PLEKHG6: variants seen among roughly 807,000 people sequenced by gnomAD.
PLEKHG6 encodes pleckstrin homology domain-containing family G member 6.
PLEKHG6 carries 91 observed loss-of-function variants against 97.5 expected under a neutral mutation model. The ratio of observed to expected loss-of-function variants is 0.93; its 90% confidence interval spans 0.79 to 1.11. PLEKHG6 has a LOEUF of 1.11. Among genes scored for constraint, PLEKHG6 ranks in the 50% most tolerant of loss-of-function variants. PLEKHG6 has a pLI of 0.00. For missense variants in PLEKHG6, 1,044 were observed against 1,031.0 expected, an observed-to-expected ratio of 1.01 and a Z score of -0.17; for synonymous variants, 466 against 425.5, an observed-to-expected ratio of 1.10 and a Z score of -1.17.
At chr12:6,326,407 A>G (rs750405383) in intron 13 of PLEKHG6, 21 bp from the exon 14 acceptor site, 2 of 1,607,068 alleles carry the variant, frequency 1.2e-6, no homozygotes, top group East Asian at 4.5e-5. Context: ...AGCTCTTAAT[A>G]ACGAAAGTGT....
rs1565454067 is a variant in PLEKHG6 at position 6,312,347 on chromosome 12, C to T, written c.121C>T (p.Arg41Ter). Residue 41 changes from arginine to a stop codon, truncating the protein, a stop_gained, in exon 2 of 16, where the codon CGA becomes TGA. Coordinates refer to ENST00000684764, the MANE Select transcript of PLEKHG6 (RefSeq NM_001384598.1). LOFTEE classifies it high-confidence loss of function. ...GAGCACTGCTGGCAGACTCTATCCC[C>T]GAGGATACCCTGTGCTGGTGAGTCC... ...AQSTAGRLYP[R>*]GYPVLDPSRR... 17 of 1,582,986 alleles carry T rather than the reference C, an allele frequency of 1.1e-5. No individual in the cohort carries two copies. In the East Asian group the frequency reaches 3.3e-4, roughly 31 times the overall value.
chr12:6,312,091 T>A, intron 1 of PLEKHG6, 68 bp from the exon 2 acceptor site: 53 of 581,090 alleles, frequency 9.1e-5, no homozygotes, highest in East Asian at 2.0e-4. Context: ...CCTACCAGCC[T>A]TGGTCTCCCG....
At chr12:6,323,932 G>C (rs1417600754) in intron 13 of PLEKHG6, among the ~76,000 whole-genome samples, 1 of 152,136 alleles carries the variant, frequency 6.6e-6, no homozygotes, top group Non-Finnish European at 1.5e-5. Flanking sequence ...TTCAGAGTTC[G>C]GTTTTAGTCC....
Position 6,328,204 on chromosome 12 carries a change from C to G in PLEKHG6, c.*59C>G, listed in dbSNP as rs1042999343. On this transcript the variant is annotated 3_prime_UTR_variant, in exon 16 of 16. Transcript: ENST00000684764. ...CAGAGGAGATCTCTCCCCAGTAGTGCTGGTCACCCTCCGGCATCTGTGACT... is the reference window on the plus strand; with the variant it reads ...CAGAGGAGATCTCTCCCCAGTAGTGGTGGTCACCCTCCGGCATCTGTGACT... 5 of 1,549,612 alleles carry G rather than the reference C, an allele frequency of 3.2e-6. No homozygotes were observed. Among genetic ancestry groups the G allele is most frequent in the Non-Finnish European group, 4.5e-6 (5 of 1,122,260 alleles).
intron 7 of PLEKHG6, 50 bp from the exon 8 acceptor site, chr12:6,317,253 A>G (rs753775404): frequency 2.5e-6 from 3 of 1,209,586 alleles, no homozygotes; most frequent in Admixed American, 3.4e-5. Context: ...GCCTGTATTC[A>G]TGGCCTTCTC....
At chr12:6,311,097 A>T (rs1345914949) in intron 1 of PLEKHG6, 1 of 152,342 alleles carries the variant, frequency 6.6e-6, no homozygotes, top group Non-Finnish European at 1.5e-5. Flanking sequence ...GGAGGAAGGT[A>T]AGGGAGGGCT....
Position 6,315,252 on chromosome 12 carries a change from T to C in PLEKHG6, c.459+83T>C. On this transcript the variant is annotated intron_variant, in intron 4 of 15. Coordinates refer to ENST00000684764, the MANE Select transcript of PLEKHG6 (RefSeq NM_001384598.1). This position sits in a 1 kb window ranked among gnomAD's most constrained non-coding sequence, Gnocchi z 4.5. ...TCTGCTCTAGAGGAGGGAAAGGCCT[T>C]GGGAAGTGGGGTCATGTGGAAAAAA... 7.4e-7 allele frequency: 1 copy of C among 1,347,688 alleles called. No homozygotes were observed. The highest frequency in any genetic ancestry group is 1.0e-6 in the Non-Finnish European group (1 of 992,228). The allele number at this position is 1,347,688 out of a possible 1,614,324, so 83.5% of individuals were successfully genotyped here. A position where few individuals can be genotyped will look rare whatever the true frequency, so the allele number is the denominator to read the frequency against.
At position 6,328,160 on chromosome 12, in the gene PLEKHG6, C is replaced by G; in HGVS notation, c.*15C>G. On this transcript the variant is annotated 3_prime_UTR_variant, in exon 16 of 16. Coordinates refer to ENST00000684764, the MANE Select transcript of PLEKHG6 (RefSeq NM_001384598.1). Reference sequence around the variant, plus strand: ...GAGAGGTATGAGGAATGCAGAGGACCTTTGGCATGCATCTCTCCCAGAGGA... The same window carrying G: ...GAGAGGTATGAGGAATGCAGAGGACGTTTGGCATGCATCTCTCCCAGAGGA... The G allele has an allele frequency of 1.9e-6, 3 of 1,613,408 alleles. No individual in the cohort carries two copies. The highest frequency in any genetic ancestry group is 2.5e-6 in the Non-Finnish European group (3 of 1,179,370).
chr12:6,326,909 G>A (rs762160876), intron 14 of PLEKHG6, among the ~76,000 whole-genome samples: 5 of 152,106 alleles, frequency 3.3e-5, no homozygotes, highest in African/African-American at 9.7e-5. Flanking sequence ...TGTGAGGTTC[G>A]TCTAGGATAG....
At position 6,317,595 on chromosome 12, in the gene PLEKHG6, C is replaced by T. The variant is rs1244370387; in HGVS notation, c.916C>T (p.Leu306Phe). The change falls in exon 9 of 16, where the codon CTT (leucine) becomes TTT (phenylalanine). Residue 306 changes from leucine to phenylalanine, a missense_variant. By Grantham distance (22) the Leu-to-Phe change is conservative. Coordinates refer to ENST00000684764, the MANE Select transcript of PLEKHG6 (RefSeq NM_001384598.1). The part of the protein sequence containing the change: ...RSGRQMLCDL[L>F]IKPHQRITKY... ...TGGGAGGCAGATGCTCTGTGACTTG[C>T]TTATCAAGCCCCACCAGCGCATCAC... The T allele has an allele frequency of 1.2e-6, 2 of 1,613,796 alleles. No individual in the cohort carries two copies. The highest frequency in any genetic ancestry group is 1.3e-5 in the African/African-American group (1 of 74,946).
chr12:6,328,372 T>C lies in PLEKHG6; in HGVS notation c.*227T>C, dbSNP rs1406539665. 2 of 508,650 alleles carry C rather than the reference T, an allele frequency of 3.9e-6. No individual in the cohort carries two copies. The highest frequency in any genetic ancestry group is 3.5e-6 in the Non-Finnish European group (1 of 286,382). 31.5% of individuals were successfully genotyped at this position (508,650 alleles called of 1,614,324 possible). On this transcript the variant is annotated 3_prime_UTR_variant, in exon 16 of 16. Coordinates refer to ENST00000684764, the MANE Select transcript of PLEKHG6 (RefSeq NM_001384598.1). ...AAGTTGTGCATAAAAATGACTGCCC[T>C]GGCTGGGCATGGCTGCCTGTAATCC...
intron 13 of PLEKHG6, chr12:6,319,502 G>A (rs1947628165): frequency 6.7e-7 from 1 of 1,481,600 alleles, no homozygotes; most frequent in South Asian, 1.3e-5. Context: ...GAACATGGGA[G>A]CGCAGAGGGG....
chr12:6,319,570 G>A, intron 13 of PLEKHG6: 1 of 1,535,716 alleles, frequency 6.5e-7, no homozygotes, highest in Non-Finnish European at 8.7e-7. Flanking sequence ...ATGTGCCCCA[G>A]AGAGGGAGGC....
At chr12:6,326,763 G>A (rs1225484722) in intron 14 of PLEKHG6, among the ~76,000 whole-genome samples, 190 bp downstream of exon 14, 1 of 152,210 alleles carries the variant, frequency 6.6e-6, no homozygotes, top group African/African-American at 2.4e-5. Flanking sequence ...TTGGGTTGGA[G>A]GTGGGGGATA....
rs201064375 is a variant in PLEKHG6, at chr12:6,327,811, G to A, written c.2228G>A (p.Arg743Gln). Residue 743 changes from arginine to glutamine, a missense_variant, in exon 15 of 16, where the codon CGG (arginine) becomes CAG (glutamine). By Grantham distance (43) the Arg-to-Gln change is conservative. Coordinates refer to ENST00000684764, the MANE Select transcript of PLEKHG6 (RefSeq NM_001384598.1). Reference sequence around the variant, plus strand: ...GCTGAGGACATGCTCAGAGAGATCCGGGAGGAGCTGGCCAGCCAAAGGATT... The same window carrying A: ...GCTGAGGACATGCTCAGAGAGATCCAGGAGGAGCTGGCCAGCCAAAGGATT... ...MRAEDMLREI[R>Q]EELASQRIEG... 24 of 1,513,032 alleles carry A rather than the reference G, an allele frequency of 1.6e-5. No individual in the cohort carries two copies. In the African/African-American group the frequency reaches 2.0e-4, roughly 12 times the overall value. 93.7% of individuals were successfully genotyped at this position (1,513,032 alleles called of 1,614,324 possible).
In PLEKHG6 at chr12:6,310,828, C is replaced by A. The variant is rs1484019219; in HGVS notation, c.-89C>A. 6.6e-6 allele frequency: 1 copy of A among 152,654 alleles called. No individual in the cohort carries two copies. The highest frequency in any genetic ancestry group is 1.5e-5 in the Non-Finnish European group (1 of 68,260). 9.5% of individuals were successfully genotyped at this position (152,654 alleles called of 1,614,324 possible). Reference sequence around the variant, plus strand: ...GGAGGGCGGCGCAGGGCAGCGGGTGCGGTGACACCTGTGGGCACAGGTGAG... The same window carrying A: ...GGAGGGCGGCGCAGGGCAGCGGGTGAGGTGACACCTGTGGGCACAGGTGAG... On this transcript the variant is annotated 5_prime_UTR_variant, in exon 1 of 16. Coordinates refer to ENST00000684764, the MANE Select transcript of PLEKHG6 (RefSeq NM_001384598.1).
chr12:6,316,995 G>A lies in PLEKHG6; in HGVS notation c.757-308G>A, dbSNP rs189308101. Among the ~76,000 whole-genome samples the A allele has an allele frequency of 6.6e-5, 10 of 152,178 alleles. No homozygotes were observed. Among genetic ancestry groups the A allele is most frequent in the Admixed American group, 3.9e-4 (6 of 15,284 alleles). On this transcript the variant is annotated intron_variant, in intron 7 of 15. Transcript: ENST00000684764. This position sits in a 1 kb window ranked among gnomAD's most constrained non-coding sequence, Gnocchi z 4.1. ...ATGGGATCTGCAATGTCCTGACAACGGTCCAGCTGAATTATCGATGGTGGG... is the reference window on the plus strand; with the variant it reads ...ATGGGATCTGCAATGTCCTGACAACAGTCCAGCTGAATTATCGATGGTGGG...
rs759524213 is a variant in PLEKHG6, at chr12:6,327,249, T to C, written c.1671-5T>C. ...ACGCATCTGACTCTTTGCCATTAACTGTAGGACTCCTGAGTTCTCGACCAT... is the reference window on the plus strand; with the variant it reads ...ACGCATCTGACTCTTTGCCATTAACCGTAGGACTCCTGAGTTCTCGACCAT... On this transcript the variant is annotated splice_polypyrimidine_tract_variant and splice_region_variant and intron_variant, in intron 14 of 15. Coordinates refer to ENST00000684764, the MANE Select transcript of PLEKHG6 (RefSeq NM_001384598.1). The C allele has an allele frequency of 6.4e-6, 10 of 1,567,212 alleles. No homozygotes were observed. Among genetic ancestry groups the C allele is most frequent in the Non-Finnish European group, 8.7e-6 (10 of 1,150,002 alleles).
At position 6,315,694 on chromosome 12, in the gene PLEKHG6, G is replaced by C. The variant is rs751338246; in HGVS notation, c.555+45G>C. 8 of 1,327,516 alleles carry C rather than the reference G, an allele frequency of 6.0e-6. No individual in the cohort carries two copies. The African/African-American group carries it at 1.2e-4, about 19-fold the overall frequency. The allele number at this position is 1,327,516 out of a possible 1,614,324, so 82.2% of individuals were successfully genotyped here. A position where few individuals can be genotyped will look rare whatever the true frequency, so the allele number is the denominator to read the frequency against. On this transcript the variant is annotated intron_variant, in intron 5 of 15. Coordinates refer to ENST00000684764, the MANE Select transcript of PLEKHG6 (RefSeq NM_001384598.1). This position sits in a 1 kb window ranked among gnomAD's most constrained non-coding sequence, Gnocchi z 4.5. ...AGCCCCGGCCCCATCTTCCCTGCATGAGCCCCCATCCTCCCAGACTGGAAG... is the reference window on the plus strand; with the variant it reads ...AGCCCCGGCCCCATCTTCCCTGCATCAGCCCCCATCCTCCCAGACTGGAAG...
Sources: gnomAD v4.1 joint callset for allele counts (sites outside exome capture counted in the v4.1 genomes callset) on GRCh38, gnomAD v4.1.1 for gene constraint, Gnocchi (gnomAD v3.1) non-coding constraint, MANE v1.5 for transcripts, NCBI Gene and HGNC (gene_info 2026-07-23, HGNC 2026-07-21) for gene names.